STXBP6: variants seen among roughly 807,000 people sequenced by gnomAD.
STXBP6 encodes the protein syntaxin-binding protein 6.
Under a neutral mutation model 26.9 loss-of-function variants are expected in STXBP6, and 21 were observed. That is an observed-to-expected ratio of 0.78 (90% CI 0.55 to 1.12). STXBP6 has a LOEUF of 1.12. Among genes scored for constraint, STXBP6 ranks in the 50% most tolerant of loss-of-function variants. STXBP6 has a pLI of 0.00. For synonymous variants in STXBP6, 97 were observed against 92.6 expected, an observed-to-expected ratio of 1.05 and a Z score of -0.27; for missense variants, 232 against 257.9, an observed-to-expected ratio of 0.90 and a Z score of 0.69.
chr14:24,810,209 A>ATC lies in STXBP6; in HGVS notation c.*2499_*2500insGA, dbSNP rs1745948051. 1 of 152,240 alleles carries ATC rather than the reference A, an allele frequency of 6.6e-6. No individual in the cohort carries two copies. The highest frequency in any genetic ancestry group is 2.4e-5 in the African/African-American group (1 of 41,454). The allele number at this position is 152,240 out of a possible 1,614,324, so 9.4% of individuals were successfully genotyped here. ...ATATAGTATCCCAAAATTCATAGAG[A>ATC]AGTGCAGAAATGAAACAAATGAAAT... On this transcript the variant is annotated 3_prime_UTR_variant, in exon 6 of 6. Coordinates refer to ENST00000323944, the MANE Select transcript of STXBP6 (RefSeq NM_001394410.1).
intron 4 of STXBP6, among the ~76,000 whole-genome samples, chr14:24,839,570 G>T (rs2139006146): frequency 6.6e-6 from 1 of 152,192 alleles, no homozygotes; most frequent in South Asian, 2.1e-4. Flanking sequence ...TGAGGTGACT[G>T]TCCCTAAAAA....
At chr14:25,002,232 T>C (rs991087311) in intron 1 of STXBP6, among the ~76,000 whole-genome samples, 1 of 152,152 alleles carries the variant, frequency 6.6e-6, no homozygotes, top group African/African-American at 2.4e-5. Context: ...CAGAAAAAAA[T>C]TAAATTCTTC....
chr14:25,029,646 C>T (rs140051059), intron 1 of STXBP6, among the ~76,000 whole-genome samples: 17 of 152,186 alleles, frequency 1.1e-4, no homozygotes, highest in African/African-American at 4.1e-4. Flanking sequence ...CACAAAGACT[C>T]CTATATAATG....
At chr14:24,897,452 T>C (rs927472771) in intron 2 of STXBP6, among the ~76,000 whole-genome samples, 1 of 151,788 alleles carries the variant, frequency 6.6e-6, no homozygotes, top group Non-Finnish European at 1.5e-5. Context: ...AGAAAAAGTT[T>C]TTTTTATACA....
chr14:24,872,605 G>C (rs2069978636), intron 2 of STXBP6, among the ~76,000 whole-genome samples: 1 of 152,220 alleles, frequency 6.6e-6, no homozygotes, highest in Non-Finnish European at 1.5e-5. Flanking sequence ...CAAGGATAGA[G>C]TGAATGCCTC....
chr14:25,000,707 A>G lies in STXBP6; in HGVS notation c.-32-25857T>C, dbSNP rs573567612. Among the ~76,000 whole-genome samples the G allele has an allele frequency of 1.4e-4, 21 of 150,034 alleles. 1 individual carries two copies. The highest frequency in any genetic ancestry group is 4.6e-4 in the African/African-American group (19 of 40,990). On this transcript the variant is annotated intron_variant, in intron 1 of 5. Coordinates refer to ENST00000323944, the MANE Select transcript of STXBP6 (RefSeq NM_001394410.1). Reference sequence around the variant, plus strand: ...CAGTTTTACACAGAAATGCAGAGGGAAAGTTAGAGTTTAACATAGGACACA... The same window carrying G: ...CAGTTTTACACAGAAATGCAGAGGGGAAGTTAGAGTTTAACATAGGACACA...
intron 2 of STXBP6, among the ~76,000 whole-genome samples, chr14:24,962,366 G>A (rs1386137205): frequency 6.6e-6 from 1 of 151,142 alleles, no homozygotes; most frequent in Non-Finnish European, 1.5e-5. Flanking sequence ...GTCTCACTCT[G>A]TCACCCAGCC....
At chr14:24,921,515 C>T (rs1235592634) in intron 2 of STXBP6, among the ~76,000 whole-genome samples, 2 of 152,138 alleles carry the variant, frequency 1.3e-5, no homozygotes, top group African/African-American at 2.4e-5. Flanking sequence ...TCTCGTTTAG[C>T]ATTCCTTTTG....
At chr14:24,877,238 CA>C (rs2070177508) in intron 2 of STXBP6, among the ~76,000 whole-genome samples, 1 of 152,202 alleles carries the variant, frequency 6.6e-6, no homozygotes, top group Non-Finnish European at 1.5e-5. Context: ...GGTCTGTACT[CA>C]AAGACCTCAA....
intron 2 of STXBP6, among the ~76,000 whole-genome samples, chr14:24,867,940 T>C (rs1594998947): frequency 6.6e-6 from 1 of 152,334 alleles, no homozygotes; most frequent in East Asian, 1.9e-4. Context: ...TTCATGTCTA[T>C]AATCCCAGTA....
At chr14:24,894,397 A>G (rs1050505951) in intron 2 of STXBP6, among the ~76,000 whole-genome samples, 1 of 152,176 alleles carries the variant, frequency 6.6e-6, no homozygotes. Context: ...ATACAAGGGG[A>G]TGCCAGGAGG....
intron 2 of STXBP6, among the ~76,000 whole-genome samples, chr14:24,927,309 G>A (rs1370423632): frequency 2.0e-5 from 3 of 152,180 alleles, no homozygotes; most frequent in Admixed American, 6.5e-5. Flanking sequence ...CCTCCTGGGT[G>A]AGCAATCCAC....
chr14:24,893,548 A>AT (rs1209730124), intron 2 of STXBP6, among the ~76,000 whole-genome samples: 1 of 152,236 alleles, frequency 6.6e-6, no homozygotes, highest in Non-Finnish European at 1.5e-5. Context: ...CAATATATAT[A>AT]AAAACAAAAA....
At chr14:24,830,291 G>A (rs1008857376) in intron 4 of STXBP6, among the ~76,000 whole-genome samples, 7 of 152,116 alleles carry the variant, frequency 4.6e-5, no homozygotes, top group Admixed American at 3.9e-4. Context: ...TATTACTCTG[G>A]TGGTAGTTTG....
chr14:24,937,961 C>T (rs555797870), intron 2 of STXBP6, among the ~76,000 whole-genome samples: 1 of 152,306 alleles, frequency 6.6e-6, no homozygotes, highest in East Asian at 1.9e-4. Context: ...CAGCCTTTGC[C>T]ACTTTGCAAA....
At chr14:25,020,782 T>A (rs908563349) in intron 1 of STXBP6, among the ~76,000 whole-genome samples, 7 of 152,182 alleles carry the variant, frequency 4.6e-5, no homozygotes. Context: ...GTGGTTTTGA[T>A]AACACGCTTT....
At chr14:24,932,209 C>A (rs1245533223) in intron 2 of STXBP6, among the ~76,000 whole-genome samples, 3 of 152,182 alleles carry the variant, frequency 2.0e-5, no homozygotes, top group Non-Finnish European at 4.4e-5. Context: ...GAATTTGAGA[C>A]CAACCTGGCT....
intron 1 of STXBP6, among the ~76,000 whole-genome samples, chr14:25,018,617 G>A (rs1406917276): frequency 6.6e-6 from 1 of 152,108 alleles, no homozygotes; most frequent in Non-Finnish European, 1.5e-5. Context: ...TGGCATAGCA[G>A]GAAAAACCTG....
chr14:24,883,739 T>C (rs2070460636), intron 2 of STXBP6, among the ~76,000 whole-genome samples: 1 of 152,314 alleles, frequency 6.6e-6, no homozygotes, highest in East Asian at 1.9e-4. Context: ...CTGTGAAGAT[T>C]TGGTTCTGAG....
Sources: gnomAD v4.1 joint callset for allele counts (sites outside exome capture counted in the v4.1 genomes callset) on GRCh38, gnomAD v4.1.1 for gene constraint, MANE v1.5 for transcripts, NCBI Gene and HGNC (gene_info 2026-07-23, HGNC 2026-07-21) for gene names.